ANKHD1: variants seen among roughly 807,000 people sequenced by gnomAD.
ANKHD1 encodes the protein ankyrin repeat and KH domain containing 1.
A neutral mutation model predicts 230.5 loss-of-function variants in ANKHD1; 31 were observed. The ratio of observed to expected loss-of-function variants is 0.13; its 90% CI spans 0.10 to 0.18. The LOEUF (loss-of-function observed/expected upper bound fraction) is 0.18, where lower values mean the gene tolerates loss of function less well. ANKHD1 is among the 10% of genes least tolerant of loss of function. The probability of loss-of-function intolerance (pLI) is 1.00; values close to 1 mark genes in which losing one functional copy is unlikely to be tolerated. For synonymous variants in ANKHD1, 1,074 were observed against 1,117.6 expected (o/e 0.96, Z 0.78); for missense variants, 2,256 against 3,071.3 (o/e 0.73, Z 6.27).
chr5:140,472,162 G>T, intron 10 of ANKHD1: 1 of 1,248,728 alleles, frequency 8.0e-7, no homozygotes, highest in Non-Finnish European at 1.2e-6. Flanking sequence ...TGAAGTATCG[G>T]TCACAAGGTC....
rs1244850098 is a variant in ANKHD1 at position 140,527,368 on chromosome 5, T to G, written c.5087+294T>G. 3 of 289,356 alleles carry G rather than the reference T, an allele frequency of 1.0e-5. No homozygotes were observed. The highest frequency in any genetic ancestry group is 6.7e-5 in the African/African-American group (3 of 44,552). 17.9% of individuals were successfully genotyped at this position (289,356 alleles called of 1,614,324 possible). On this transcript the variant is annotated intron_variant, in intron 27 of 33. Coordinates refer to ENST00000360839, the MANE Select transcript of ANKHD1 (RefSeq NM_017747.3). This position sits in a 1 kb window ranked among gnomAD's most constrained non-coding sequence, Gnocchi z 4.5. Reference sequence around the variant, plus strand: ...TTTCTTTCTCATGTCTCAGTAATTCTAGAACTAAAGTACTAATAATCAACT... The same window carrying G: ...TTTCTTTCTCATGTCTCAGTAATTCGAGAACTAAAGTACTAATAATCAACT...
chr5:140,415,203 G>A (rs1771262131), intron 1 of ANKHD1, among the ~76,000 whole-genome samples: 1 of 151,548 alleles, frequency 6.6e-6, no homozygotes, highest in South Asian at 2.1e-4. Flanking sequence ...CCAACATGGT[G>A]AAATCCCATC....
At chr5:140,456,188 C>T (rs1775173082) in intron 7 of ANKHD1, among the ~76,000 whole-genome samples, 1 of 152,116 alleles carries the variant, frequency 6.6e-6, no homozygotes, top group Admixed American at 6.6e-5. Context: ...GAACTACAAA[C>T]CACTGCTCAA....
In ANKHD1 at chr5:140,539,344, C is replaced by T; in HGVS notation, c.7570-15C>T. ...TTCCTAATTAGAAATTCCAATTTTT[C>T]CTCCCCCTTTTCAGATTTGGCCTGG... On this transcript the variant is annotated splice_polypyrimidine_tract_variant and intron_variant, in intron 33 of 33. Coordinates refer to ENST00000360839, the MANE Select transcript of ANKHD1 (RefSeq NM_017747.3). 1.9e-6 allele frequency: 3 copies of T among 1,611,938 alleles called. No individual in the cohort carries two copies. The highest frequency in any genetic ancestry group is 2.5e-6 in the Non-Finnish European group (3 of 1,179,342).
At chr5:140,417,833 C>CTTTTTTTTTTTTTTTTTTTTTT (rs35322010) in intron 1 of ANKHD1, among the ~76,000 whole-genome samples, 1 of 106,782 alleles carries the variant, frequency 9.4e-6, no homozygotes, top group Non-Finnish European at 1.8e-5. Context: ...CCCATATAGT[C>CTTTTTTTTTTTTTTTTTTTTTT]TTTTTTTTTT....
chr5:140,428,125 G>A (rs1581231718), intron 1 of ANKHD1, among the ~76,000 whole-genome samples: 1 of 150,512 alleles, frequency 6.6e-6, no homozygotes, highest in African/African-American at 2.5e-5. Context: ...GATGGCGGCT[G>A]GGCAGAGACG....
chr5:140,468,091 T>G (rs1401818881), intron 10 of ANKHD1, among the ~76,000 whole-genome samples: 1 of 84,118 alleles, frequency 1.2e-5, no homozygotes, highest in Non-Finnish European at 2.4e-5. Flanking sequence ...TTTTTTTTTT[T>G]TGATGTGGGG....
chr5:140,423,490 A>C (rs1772156209), intron 1 of ANKHD1, among the ~76,000 whole-genome samples: 1 of 152,144 alleles, frequency 6.6e-6, no homozygotes, highest in Non-Finnish European at 1.5e-5. Flanking sequence ...CATCAGCATA[A>C]GATTGTCTTG....
intron 1 of ANKHD1, among the ~76,000 whole-genome samples, chr5:140,434,200 C>T (rs1231941556): frequency 6.6e-6 from 1 of 152,042 alleles, no homozygotes; most frequent in East Asian, 1.9e-4. Flanking sequence ...AGTCCAGATA[C>T]TGTGGTCCTT....
chr5:140,503,837 A>C (rs1276912933), intron 15 of ANKHD1, among the ~76,000 whole-genome samples: 1 of 151,532 alleles, frequency 6.6e-6, no homozygotes, highest in African/African-American at 2.4e-5. Flanking sequence ...CAGCCTCCCA[A>C]AGTGCCAGGA....
At chr5:140,478,642 T>A (rs1202262407) in intron 10 of ANKHD1, among the ~76,000 whole-genome samples, 1 of 152,096 alleles carries the variant, frequency 6.6e-6, no homozygotes, top group Non-Finnish European at 1.5e-5. Flanking sequence ...GTTTTTGGGT[T>A]TTTTTGTTTG....
Position 140,539,580 on chromosome 5 carries a change from AT to A in ANKHD1, c.*164del. On this transcript the variant is annotated 3_prime_UTR_variant, in exon 34 of 34. Transcript: ENST00000360839. Reference sequence around the variant, plus strand: ...AACAAATTGATTTCCTATCCACCTGATTATGTTCTCTGGTTAGTTTAGCCAT... The same window carrying A: ...AACAAATTGATTTCCTATCCACCTGATATGTTCTCTGGTTAGTTTAGCCAT... The A allele has an allele frequency of 1.3e-6, 1 of 779,736 alleles. No individual in the cohort carries two copies. Among genetic ancestry groups the A allele is most frequent in the Non-Finnish European group, 2.0e-6 (1 of 508,312 alleles). 48.3% of individuals were successfully genotyped at this position (779,736 alleles called of 1,614,324 possible).
At chr5:140,538,367 C>T (rs936101540) in intron 32 of ANKHD1, 106 bp downstream of exon 32, 5 of 1,513,074 alleles carry the variant, frequency 3.3e-6, no homozygotes, top group African/African-American at 1.4e-5. Flanking sequence ...GTTTCTGTGG[C>T]TTTGCTAGAT....
rs1753716665 is a variant in ANKHD1, at chr5:140,529,207, T to C, written c.6261T>C (p.Ser2087=). ...TQEEAQPSSV[S]DLSPMSMPFA... The stretch of plus-strand genomic sequence containing the variant: ...AGGAGGCACAGCCATCCAGTGTGTC[T>C]GATTTAAGTCCTATGTCAATGCCTT... Residue 2087 remains serine, a synonymous_variant, in exon 29 of 34, where the codon TCT becomes TCC. Transcript: ENST00000360839. 4 of 1,614,226 alleles carry C rather than the reference T, an allele frequency of 2.5e-6. No individual in the cohort carries two copies. The highest frequency in any genetic ancestry group is 3.4e-6 in the Non-Finnish European group (4 of 1,180,046).
At chr5:140,458,985 T>TATATATAC (rs1775476824) in intron 8 of ANKHD1, 123 bp downstream of exon 8, 1 of 20,860 alleles carries the variant, frequency 4.8e-5, no homozygotes, top group Non-Finnish European at 8.2e-5. Context: ...TATATGCATA[T>TATATATAC]ATATATATAT....
intron 25 of ANKHD1, 41 bp downstream of exon 25, chr5:140,524,281 T>A: frequency 6.6e-7 from 1 of 1,523,388 alleles, no homozygotes; most frequent in Non-Finnish European, 8.7e-7. Flanking sequence ...AAATTCTCCT[T>A]TGTTTATCAA....
rs367846132 is a variant in ANKHD1, at chr5:140,458,839, T to C, written c.1457T>C (p.Met486Thr). Residue 486 changes from methionine (M) to threonine (T), a missense_variant, in exon 8 of 34, where the codon ATG becomes ACG. This residue lies in a region of ANKHD1 where 179 missense variants were observed against 261.8 expected (regional missense o/e 0.68). Transcript: ENST00000360839. ...MEAAREGHEE[M>T]VALLLAQGAN... ...GCTGCCCGGGAAGGACATGAAGAAA[T>C]GGTGGCACTACTCTTAGCACAAGGT... 1.2e-6 allele frequency: 2 copies of C among 1,612,110 alleles called. No homozygotes were observed. The highest frequency in any genetic ancestry group is 1.7e-6 in the Non-Finnish European group (2 of 1,179,282).
chr5:140,423,018 C>T (rs912938838), intron 1 of ANKHD1, among the ~76,000 whole-genome samples: 1 of 151,720 alleles, frequency 6.6e-6, no homozygotes, highest in African/African-American at 2.4e-5. Context: ...CACCCCACCC[C>T]TGCAGCTGGG....
At chr5:140,456,338 T>C (rs1775189438) in intron 7 of ANKHD1, among the ~76,000 whole-genome samples, 1 of 152,208 alleles carries the variant, frequency 6.6e-6, no homozygotes, top group African/African-American at 2.4e-5. Context: ...AATGACTTCC[T>C]TCACAGAATT....
Sources: allele counts gnomAD v4.1 joint callset (sites outside exome capture counted in the v4.1 genomes callset), GRCh38; gene constraint gnomAD v4.1.1; regional missense constraint gnomAD v4.1.1; non-coding constraint Gnocchi (gnomAD v3.1); transcripts MANE v1.5; gene names NCBI Gene and HGNC (gene_info 2026-07-23, HGNC 2026-07-21).